Variants in TRMT9B observed in about 807,000 individuals in gnomAD.
The protein encoded by TRMT9B is tRNA methyltransferase 9B (putative).
In TRMT9B, 16 loss-of-function variants were observed where a neutral mutation model predicts 11.5. The observed-to-expected ratio is 1.39, with a 90% CI of 0.94 to 2.11. The LOEUF (loss-of-function observed/expected upper bound fraction) is 2.11, where lower values mean the gene tolerates loss of function less well. Ranked by LOEUF, TRMT9B falls within the 30% of genes most tolerant of loss-of-function variation. The pLI is 0.00. For missense variants in TRMT9B, 941 were observed against 553.8 expected (o/e 1.70, Z -7.02); for synonymous variants, 274 against 192.4 (o/e 1.42, Z -3.51).
At position 13,029,072 on chromosome 8, in the gene TRMT9B, G is replaced by T. The variant is rs1815061203; in HGVS notation, c.*7028G>T. ...TAACACACATATATATATATTCCTAGACATCTAGTGTTTGCTGTCATTAGT... is the reference window on the plus strand; with the variant it reads ...TAACACACATATATATATATTCCTATACATCTAGTGTTTGCTGTCATTAGT... On this transcript the variant is annotated 3_prime_UTR_variant, in exon 5 of 5. Transcript: ENST00000524591. 6.0e-6 allele frequency: 1 copy of T among 166,640 alleles called. No homozygotes were observed. The highest frequency in any genetic ancestry group is 1.5e-5 in the Non-Finnish European group (1 of 68,088). 10.3% of individuals were successfully genotyped at this position (166,640 alleles called of 1,614,324 possible). A position where few individuals can be genotyped will look rare whatever the true frequency, so the allele number is the denominator to read the frequency against.
At chr8:13,010,564 G>C in intron 3 of TRMT9B, 1 of 985,036 alleles carries the variant, frequency 1.0e-6, no homozygotes, top group East Asian at 1.1e-4. Context: ...AAATGAATAG[G>C]GGCAAATCAA....
At chr8:12,989,849 GTT>G (rs917061735) in intron 1 of TRMT9B, among the ~76,000 whole-genome samples, 4 of 152,216 alleles carry the variant, frequency 2.6e-5, no homozygotes, top group African/African-American at 9.6e-5. Flanking sequence ...CTTCTAAAAA[GTT>G]AGCTTCTGTG....
At chr8:12,967,040 G>C (rs1009084587) in intron 1 of TRMT9B, among the ~76,000 whole-genome samples, 1 of 152,174 alleles carries the variant, frequency 6.6e-6, no homozygotes, top group Non-Finnish European at 1.5e-5. Context: ...GTGTGGGAAG[G>C]ATAGGTAATG....
chr8:13,005,744 C>T (rs148959682), intron 2 of TRMT9B, among the ~76,000 whole-genome samples: 1 of 152,152 alleles, frequency 6.6e-6, no homozygotes, highest in South Asian at 2.1e-4. Flanking sequence ...AAAAGCAGTA[C>T]TGATACAGAG....
At chr8:12,952,013 GC>G (rs1800691064) in intron 1 of TRMT9B, 1 of 165,858 alleles carries the variant, frequency 6.0e-6, no homozygotes, top group East Asian at 1.9e-4. Context: ...ACCCCCGCGC[GC>G]CCTCCGTCTA....
In TRMT9B at chr8:12,958,878, G is replaced by C. The variant is rs1201598247; in HGVS notation, c.-200+12912G>C. 4 of 152,262 alleles carry C rather than the reference G, an allele frequency of 2.6e-5. No individual in the cohort carries two copies. In the East Asian group the frequency reaches 7.7e-4, roughly 29 times the overall value. 9.4% of individuals were successfully genotyped at this position (152,262 alleles called of 1,614,324 possible). ...CAGACACCACATGTTCTCATTCATAGGTGGGAATTGAACAATGAGAACACT... is the reference window on the plus strand; with the variant it reads ...CAGACACCACATGTTCTCATTCATACGTGGGAATTGAACAATGAGAACACT... On this transcript the variant is annotated intron_variant, in intron 1 of 4. Coordinates refer to ENST00000524591, the MANE Select transcript of TRMT9B (RefSeq NM_020844.3).
At chr8:12,975,115 G>C (rs1804240298) in intron 1 of TRMT9B, among the ~76,000 whole-genome samples, 1 of 151,910 alleles carries the variant, frequency 6.6e-6, no homozygotes, top group Admixed American at 6.6e-5. Flanking sequence ...TTACAGGAGA[G>C]AAGCTGTTAA....
At position 12,990,970 on chromosome 8, in the gene TRMT9B, T is replaced by G; in HGVS notation, c.-63T>G. On this transcript the variant is annotated 5_prime_UTR_variant, in exon 2 of 5. Transcript: ENST00000524591. ...AGAAGCAACTGTCACTCTCTGGAGGTGGAGACTGCCGTGATTCACAAAGAC... is the reference window on the plus strand; with the variant it reads ...AGAAGCAACTGTCACTCTCTGGAGGGGGAGACTGCCGTGATTCACAAAGAC... 1 of 1,288,036 alleles carries G rather than the reference T, an allele frequency of 7.8e-7. No individual in the cohort carries two copies. The highest frequency in any genetic ancestry group is 5.5e-5 in the East Asian group (1 of 18,030). 79.8% of individuals were successfully genotyped at this position (1,288,036 alleles called of 1,614,324 possible).
At chr8:13,013,298 T>A (rs567281429) in intron 4 of TRMT9B, among the ~76,000 whole-genome samples, 3 of 152,342 alleles carry the variant, frequency 2.0e-5, no homozygotes, top group Admixed American at 2.0e-4. Context: ...CCTGGACCAA[T>A]CTGCCACTCA....
chr8:12,952,455 A>G (rs370126008), intron 1 of TRMT9B: 25 of 283,716 alleles, frequency 8.8e-5, no homozygotes, highest in African/African-American at 5.4e-4. Flanking sequence ...CGAGACAGCC[A>G]TGCAGTAAGG....
chr8:12,982,898 C>G (rs751846911), intron 1 of TRMT9B, among the ~76,000 whole-genome samples: 1 of 152,180 alleles, frequency 6.6e-6, no homozygotes, highest in Non-Finnish European at 1.5e-5. Flanking sequence ...CCTTCCACTC[C>G]TCTTCGGATG....
intron 2 of TRMT9B, among the ~76,000 whole-genome samples, chr8:12,993,477 C>G (rs1807747219): frequency 6.6e-6 from 1 of 152,130 alleles, no homozygotes; most frequent in African/African-American, 2.4e-5. Flanking sequence ...GTTGTGTTGC[C>G]AACTCCCATC....
intron 1 of TRMT9B, among the ~76,000 whole-genome samples, chr8:12,978,322 G>A (rs765640424): frequency 6.6e-6 from 1 of 152,126 alleles, no homozygotes; most frequent in African/African-American, 2.4e-5. Context: ...TCTCCAGCAA[G>A]CCTTTGTTTC....
At chr8:12,994,168 A>C (rs1378437995) in intron 2 of TRMT9B, among the ~76,000 whole-genome samples, 2 of 152,192 alleles carry the variant, frequency 1.3e-5, no homozygotes, top group African/African-American at 2.4e-5. Context: ...GAAGCTTTTA[A>C]AAGTATTTTA....
At chr8:13,020,623 A>T (rs183449306) in intron 4 of TRMT9B, among the ~76,000 whole-genome samples, 3 of 152,324 alleles carry the variant, frequency 2.0e-5, no homozygotes, top group Non-Finnish European at 1.5e-5. Context: ...GGGAACATTT[A>T]ATATCTCTTT....
chr8:13,004,059 G>T (rs1425997184), intron 2 of TRMT9B, among the ~76,000 whole-genome samples: 2 of 151,892 alleles, frequency 1.3e-5, no homozygotes, highest in Non-Finnish European at 2.9e-5. Flanking sequence ...ACAGTAGAAA[G>T]CAAAGCCATG....
At chr8:12,992,515 C>T (rs908465947) in intron 2 of TRMT9B, among the ~76,000 whole-genome samples, 7 of 151,608 alleles carry the variant, frequency 4.6e-5, no homozygotes, top group African/African-American at 1.7e-4. Flanking sequence ...ATCTGAAGGA[C>T]AACAAACTTA....
At chr8:12,983,009 C>G (rs993205462) in intron 1 of TRMT9B, among the ~76,000 whole-genome samples, 1 of 152,198 alleles carries the variant, frequency 6.6e-6, no homozygotes, top group African/African-American at 2.4e-5. Flanking sequence ...GGGTTCCCCA[C>G]GATGCCCCAC....
chr8:12,963,485 C>T (rs908291512), intron 1 of TRMT9B, among the ~76,000 whole-genome samples: 2 of 152,054 alleles, frequency 1.3e-5, no homozygotes, highest in African/African-American at 4.8e-5. Context: ...CACAGTGGCT[C>T]ATGCCTGTAA....
Sources: gnomAD v4.1 joint callset for allele counts (sites outside exome capture counted in the v4.1 genomes callset) on GRCh38, gnomAD v4.1.1 for gene constraint, MANE v1.5 for transcripts, NCBI Gene and HGNC (gene_info 2026-07-23, HGNC 2026-07-21) for gene names.